The following CTNNA3 variants were observed in gnomAD, a reference collection of about 807,000 sequenced individuals.
CTNNA3 encodes the protein catenin alpha-3.
A neutral mutation model predicts 95.7 loss-of-function variants in CTNNA3; 76 were observed. That is an observed-to-expected ratio of 0.79 (90% CI 0.66 to 0.96). The LOEUF (loss-of-function observed/expected upper bound fraction) is 0.96. CTNNA3 is among the 40% of genes least tolerant of loss of function. The probability of loss-of-function intolerance (pLI) is 0.00; values close to 1 mark genes in which losing one functional copy is unlikely to be tolerated. For missense variants in CTNNA3, 1,191 were observed against 1,089.8 expected (o/e 1.09, Z -1.31); for synonymous variants, 431 against 374.4 (o/e 1.15, Z -1.74).
intron 10 of CTNNA3, among the ~76,000 whole-genome samples, chr10:66,532,694 C>T (rs1338362363): frequency 3.3e-5 from 5 of 152,088 alleles, no homozygotes; most frequent in African/African-American, 1.2e-4. Context: ...TTTAAGTGTT[C>T]TAAGGGAGAA....
chr10:66,894,118 T>C (rs1845381685), intron 7 of CTNNA3, among the ~76,000 whole-genome samples: 1 of 152,070 alleles, frequency 6.6e-6, no homozygotes, highest in African/African-American at 2.4e-5. Context: ...AATTAGGTGT[T>C]TATCCATGAA....
At chr10:65,938,466 T>C (rs932771235) in intron 17 of CTNNA3, among the ~76,000 whole-genome samples, 12 of 152,212 alleles carry the variant, frequency 7.9e-5, no homozygotes, top group Non-Finnish European at 1.3e-4. Context: ...TTGACACTAT[T>C]GAAAATAAGT....
rs183374807 is a variant in CTNNA3 at position 67,566,058 on chromosome 10, T to C, written c.293-26389A>G. Among the ~76,000 whole-genome samples the C allele has an allele frequency of 3.4e-4, 29 of 85,544 alleles. No individual in the cohort carries two copies. The East Asian group carries it at 7.9e-3, about 23-fold the overall frequency. The allele number at this position is 85,544 out of a possible 152,430, so 56.1% of individuals were successfully genotyped here. Reference sequence around the variant, plus strand: ...ATGTGTGTGTGTATATATATATATATATATATATATATATACAAAACCTAG... The same window carrying C: ...ATGTGTGTGTGTATATATATATATACATATATATATATATACAAAACCTAG... On this transcript the variant is annotated intron_variant, in intron 3 of 17. Coordinates refer to ENST00000433211, the MANE Select transcript of CTNNA3 (RefSeq NM_013266.4).
intron 12 of CTNNA3, among the ~76,000 whole-genome samples, chr10:66,317,278 T>A (rs563017752): frequency 2.2e-4 from 33 of 152,250 alleles, no homozygotes; most frequent in African/African-American, 7.2e-4. Flanking sequence ...TAATTTTTTT[T>A]CCACAAACTA....
chr10:67,701,850 G>C (rs1841042828), intron 1 of CTNNA3, among the ~76,000 whole-genome samples: 1 of 152,046 alleles, frequency 6.6e-6, no homozygotes, highest in African/African-American at 2.4e-5. Context: ...AAAGAGTCAA[G>C]ACCCATCAGT....
intron 10 of CTNNA3, among the ~76,000 whole-genome samples, chr10:66,587,089 A>C (rs2132217202): frequency 6.6e-6 from 1 of 152,174 alleles, no homozygotes; most frequent in Non-Finnish European, 1.5e-5. Context: ...GTGGGTGGGG[A>C]GTGACACAGA....
At chr10:67,481,108 C>T (rs143945398) in intron 5 of CTNNA3, among the ~76,000 whole-genome samples, 1 of 151,910 alleles carries the variant, frequency 6.6e-6, no homozygotes, top group Non-Finnish European at 1.5e-5. Context: ...TTTTTTTGTA[C>T]ATGTTGAAGG....
At chr10:67,583,418 T>G (rs1320512043) in intron 3 of CTNNA3, among the ~76,000 whole-genome samples, 1 of 152,236 alleles carries the variant, frequency 6.6e-6, no homozygotes, top group Admixed American at 6.5e-5. Flanking sequence ...GAGTTTCTGC[T>G]GAGAGATCCA....
intron 7 of CTNNA3, among the ~76,000 whole-genome samples, chr10:66,972,913 T>C (rs993261927): frequency 3.3e-5 from 5 of 152,078 alleles, no homozygotes; most frequent in Non-Finnish European, 2.9e-5. Context: ...GGTTTCACCA[T>C]GTTGACAAGT....
At chr10:66,140,240 T>C (rs1322590142) in intron 13 of CTNNA3, among the ~76,000 whole-genome samples, 4 of 152,186 alleles carry the variant, frequency 2.6e-5, no homozygotes, top group African/African-American at 7.2e-5. Flanking sequence ...CCAGAGGAAA[T>C]GCAATTTAAC....
intron 14 of CTNNA3, among the ~76,000 whole-genome samples, chr10:66,084,154 A>AAAAAAAAAAAAAAG (rs1564627073): frequency 2.1e-5 from 3 of 141,340 alleles, no homozygotes; most frequent in Admixed American, 7.2e-5. Context: ...AAAAGAAAAA[A>AAAAAAAAAAAAAAG]AAAGAAAAAG....
chr10:66,078,694 A>G (rs2080628882), intron 14 of CTNNA3, among the ~76,000 whole-genome samples: 1 of 151,948 alleles, frequency 6.6e-6, no homozygotes. Flanking sequence ...GATTTACACT[A>G]AATTTAATTT....
chr10:66,473,863 G>A (rs945322589), intron 11 of CTNNA3, among the ~76,000 whole-genome samples: 4 of 152,028 alleles, frequency 2.6e-5, no homozygotes, highest in Admixed American at 6.6e-5. Context: ...TTTTATGGCT[G>A]TATAGTATTC....
rs954584298 is a variant in CTNNA3 at position 66,077,594 on chromosome 10, C to T, written c.1978-8105G>A. 1.4e-4 allele frequency among the ~76,000 whole-genome samples: 21 copies of T among 151,734 alleles called. 1 individual carries two copies. The highest frequency in any genetic ancestry group is 1.3e-3 in the Admixed American group (19 of 15,194). On this transcript the variant is annotated intron_variant, in intron 14 of 17. Coordinates refer to ENST00000433211, the MANE Select transcript of CTNNA3 (RefSeq NM_013266.4). ...AATCTTCACATAGATAAATTTCATTCAGGATCTTGGCATGTATCATAATGA... is the reference window on the plus strand; with the variant it reads ...AATCTTCACATAGATAAATTTCATTTAGGATCTTGGCATGTATCATAATGA...
At chr10:66,655,643 A>G (rs1846049591) in intron 9 of CTNNA3, among the ~76,000 whole-genome samples, 1 of 152,184 alleles carries the variant, frequency 6.6e-6, no homozygotes, top group East Asian at 1.9e-4. Context: ...TAGTGGCTTC[A>G]ATTTTCTCAG....
At chr10:67,574,190 C>T (rs549056245) in intron 3 of CTNNA3, among the ~76,000 whole-genome samples, 1 of 152,198 alleles carries the variant, frequency 6.6e-6, no homozygotes, top group African/African-American at 2.4e-5. Flanking sequence ...TCCAGTCCCA[C>T]AATCTGGAGG....
chr10:66,646,600 G>C (rs547486940), intron 9 of CTNNA3, among the ~76,000 whole-genome samples: 7 of 152,194 alleles, frequency 4.6e-5, no homozygotes, highest in African/African-American at 1.4e-4. Context: ...ATGTTATTAA[G>C]GTATACTCTA....
At chr10:66,756,402 A>G (rs912018314) in intron 9 of CTNNA3, among the ~76,000 whole-genome samples, 4 of 152,226 alleles carry the variant, frequency 2.6e-5, no homozygotes, top group Non-Finnish European at 2.9e-5. Context: ...CGATCAACGC[A>G]ATTCAGAGTA....
At chr10:66,013,702 T>G (rs1322264313) in intron 15 of CTNNA3, among the ~76,000 whole-genome samples, 1 of 152,206 alleles carries the variant, frequency 6.6e-6, no homozygotes, top group Non-Finnish European at 1.5e-5. Context: ...GGTTGTAAAG[T>G]TTAATTTAGG....
Sources: allele counts gnomAD v4.1 joint callset (sites outside exome capture counted in the v4.1 genomes callset), GRCh38; gene constraint gnomAD v4.1.1; transcripts MANE v1.5; gene names NCBI Gene and HGNC (gene_info 2026-07-23, HGNC 2026-07-21).